THBS4: variants seen among roughly 807,000 people sequenced by gnomAD.
THBS4 encodes thrombospondin 4, also known as thrombospondin-4.
In THBS4, 90 loss-of-function variants were observed where a neutral mutation model predicts 115.7. The ratio of observed to expected loss-of-function variants is 0.78; its 90% confidence interval spans 0.66 to 0.93. THBS4 has a LOEUF of 0.93. Among genes scored for constraint, THBS4 ranks in the 40% least tolerant of loss-of-function variants. THBS4 has a pLI of 0.00. For synonymous variants in THBS4, 460 were observed against 479.3 expected, an observed-to-expected ratio of 0.96 and a Z score of 0.53; for missense variants, 1,087 against 1,232.7, an observed-to-expected ratio of 0.88 and a Z score of 1.77.
chr5:80,044,489 A>G lies in THBS4; in HGVS notation c.292+4209A>G, dbSNP rs1305180044. On this transcript the variant is annotated intron_variant, in intron 2 of 21. Coordinates refer to ENST00000350881, the MANE Select transcript of THBS4 (RefSeq NM_003248.6). ...CCAGGCTGGAGTGCAGTCGCTAGAT[A>G]TCGGCTCACTGCAGCCTCTGCCTCC... Among the ~76,000 whole-genome samples, 8 of 152,094 alleles carry G rather than the reference A, an allele frequency of 5.3e-5. No homozygotes were observed. In the South Asian group the frequency reaches 6.2e-4, roughly 12 times the overall value.
chr5:80,038,625 G>A (rs932721662), intron 1 of THBS4, among the ~76,000 whole-genome samples: 3 of 151,960 alleles, frequency 2.0e-5, no homozygotes, highest in African/African-American at 7.3e-5. Flanking sequence ...TATGCCAACA[G>A]AGCTCAGGTT....
chr5:80,030,672 T>A (rs1192768995), upstream of THBS4, among the ~76,000 whole-genome samples: 4 of 152,102 alleles, frequency 2.6e-5, no homozygotes, highest in Non-Finnish European at 1.5e-5. Context: ...TGGCCTGATT[T>A]TTTAATTTTT....
chr5:80,055,509 T>C (rs1315825861), intron 2 of THBS4, among the ~76,000 whole-genome samples: 1 of 152,180 alleles, frequency 6.6e-6, no homozygotes, highest in Non-Finnish European at 1.5e-5. Flanking sequence ...AGAATTGTAT[T>C]GTTTATTTTC....
intron 9 of THBS4, 115 bp from the exon 10 acceptor site, chr5:80,067,858 C>G: frequency 8.0e-7 from 1 of 1,253,668 alleles, no homozygotes; most frequent in Admixed American, 2.5e-5. Context: ...GATCTGATGC[C>G]TGATTCCTGC....
chr5:80,047,401 T>C (rs954012288), intron 2 of THBS4, among the ~76,000 whole-genome samples: 4 of 152,150 alleles, frequency 2.6e-5, no homozygotes, highest in African/African-American at 9.7e-5. Flanking sequence ...TTGTTTTTTG[T>C]TTTTTGTTTT....
At chr5:80,037,505 C>A (rs539772245) in intron 1 of THBS4, among the ~76,000 whole-genome samples, 1 of 152,274 alleles carries the variant, frequency 6.6e-6, no homozygotes, top group South Asian at 2.1e-4. Context: ...GGCACTTAAA[C>A]GTAATAACAT....
At chr5:80,026,513 G>A (rs1832479047) in intron 2 of THBS4, among the ~76,000 whole-genome samples, 1 of 152,214 alleles carries the variant, frequency 6.6e-6, no homozygotes, top group South Asian at 2.1e-4. Flanking sequence ...GGACCAGAGA[G>A]TAAATATCTG....
intron 2 of THBS4, among the ~76,000 whole-genome samples, chr5:80,026,425 A>G (rs1832476990): frequency 6.6e-6 from 1 of 152,214 alleles, no homozygotes; most frequent in Admixed American, 6.5e-5. Flanking sequence ...CTGCTTAATA[A>G]TTGAGTCTAA....
chr5:80,030,771 G>T (rs992872382), upstream of THBS4, among the ~76,000 whole-genome samples: 5 of 152,140 alleles, frequency 3.3e-5, no homozygotes, highest in African/African-American at 1.2e-4. Flanking sequence ...CATCCTAAGT[G>T]CTGAGATTAT....
At chr5:80,075,023 G>A (rs1026553452) in intron 15 of THBS4, among the ~76,000 whole-genome samples, 3 of 152,238 alleles carry the variant, frequency 2.0e-5, no homozygotes, top group South Asian at 2.1e-4. Flanking sequence ...ATAAAATGAT[G>A]TAATATCTGC....
rs1380302826 is a variant in THBS4 at position 80,059,302 on chromosome 5, C to G, written c.733-138C>G. 1.3e-5 allele frequency: 11 copies of G among 849,096 alleles called. No homozygotes were observed. The African/African-American group carries it at 1.7e-4, about 13-fold the overall frequency. 52.6% of individuals were successfully genotyped at this position (849,096 alleles called of 1,614,324 possible). On this transcript the variant is annotated intron_variant, in intron 5 of 21. Transcript: ENST00000350881. Reference sequence around the variant, plus strand: ...CTGAGATCGTGCCACTGCACTCCAGCCTGGGCGACAGACTGAGACTGTCTC... The same window carrying G: ...CTGAGATCGTGCCACTGCACTCCAGGCTGGGCGACAGACTGAGACTGTCTC...
chr5:80,080,170 C>A, intron 20 of THBS4, 93 bp downstream of exon 20: 1 of 1,405,134 alleles, frequency 7.1e-7, no homozygotes, highest in Non-Finnish European at 9.6e-7. Context: ...GCAATTCTGA[C>A]CTAGGATAGT....
chr5:80,077,991 A>C, intron 16 of THBS4, 58 bp from the exon 17 acceptor site: 1 of 1,420,362 alleles, frequency 7.0e-7, no homozygotes, highest in Non-Finnish European at 9.4e-7. Context: ...TTCCCTGCCA[A>C]GGAGTGGCGG....
intron 16 of THBS4, 48 bp from the exon 17 acceptor site, chr5:80,078,001 G>C: frequency 6.9e-7 from 1 of 1,450,398 alleles, no homozygotes; most frequent in African/African-American, 1.4e-5. Context: ...AGGAGTGGCG[G>C]TGGGTGTGAG....
chr5:80,049,147 A>G (rs1405339625), intron 2 of THBS4, among the ~76,000 whole-genome samples: 1 of 152,232 alleles, frequency 6.6e-6, no homozygotes, highest in Non-Finnish European at 1.5e-5. Flanking sequence ...CATTCAACAT[A>G]TCATAATATT....
At chr5:80,073,390 G>GTT (rs879240985) in intron 15 of THBS4, 63 bp downstream of exon 15, 726 of 1,180,658 alleles carry the variant, frequency 6.1e-4, no homozygotes, top group Middle Eastern at 7.4e-4. Context: ...TTTTTGGTTT[G>GTT]TTTTTTTTTT....
At chr5:80,073,351 G>C (rs1247199615) in intron 15 of THBS4, 24 bp downstream of exon 15, 6 of 1,610,312 alleles carry the variant, frequency 3.7e-6, no homozygotes, top group Non-Finnish European at 8.5e-7. Context: ...CCCAACTGCA[G>C]AGAGACAGAT....
At chr5:79,999,456 A>C (rs1201276846) in intron 2 of THBS4, among the ~76,000 whole-genome samples, 1 of 152,182 alleles carries the variant, frequency 6.6e-6, no homozygotes, top group African/African-American at 2.4e-5. Context: ...TAATTGAAAA[A>C]GTTATGGATA....
intron 2 of THBS4, among the ~76,000 whole-genome samples, chr5:80,048,148 A>G (rs1468867864): frequency 2.0e-5 from 3 of 152,172 alleles, no homozygotes; most frequent in South Asian, 4.1e-4. Context: ...TAATTTTTAA[A>G]TAATATTTGA....
Sources: gnomAD v4.1 joint callset for allele counts (sites outside exome capture counted in the v4.1 genomes callset) on GRCh38, gnomAD v4.1.1 for gene constraint, MANE v1.5 for transcripts, NCBI Gene and HGNC (gene_info 2026-07-23, HGNC 2026-07-21) for gene names.